The following BUB1B variants were observed in gnomAD, a reference collection of about 807,000 sequenced individuals.
The protein encoded by BUB1B is BUB1 mitotic checkpoint serine/threonine kinase B, also known as mitotic checkpoint serine/threonine-protein kinase BUB1 beta.
BUB1B carries 86 observed loss-of-function variants against 137.7 expected under a neutral mutation model. The ratio of observed to expected loss-of-function variants is 0.62; its 90% confidence interval spans 0.52 to 0.75. The LOEUF (loss-of-function observed/expected upper bound fraction) is 0.75, where lower values mean the gene tolerates loss of function less well. BUB1B is among the 30% of genes least tolerant of loss of function. The pLI is 0.00. For synonymous variants in BUB1B, 420 were observed against 417.9 expected, an observed-to-expected ratio of 1.00 and a Z score of -0.06; for missense variants, 1,130 against 1,236.9, an observed-to-expected ratio of 0.91 and a Z score of 1.30.
chr15:40,169,256 G>C (rs1385028839), intron 2 of BUB1B, among the ~76,000 whole-genome samples: 3 of 151,772 alleles, frequency 2.0e-5, no homozygotes, highest in African/African-American at 7.3e-5. Flanking sequence ...ATTCTTCTCT[G>C]ACCAATGTTA....
intron 5 of BUB1B, among the ~76,000 whole-genome samples, chr15:40,179,340 C>G (rs1329011427): frequency 6.6e-6 from 1 of 152,108 alleles, no homozygotes; most frequent in Non-Finnish European, 1.5e-5. Flanking sequence ...GTTGTTTGCA[C>G]CTTCTGGCTA....
chr15:40,211,623 A>G (rs1056399580), intron 18 of BUB1B, among the ~76,000 whole-genome samples: 3 of 151,974 alleles, frequency 2.0e-5, no homozygotes, highest in Admixed American at 6.6e-5. Context: ...CATATATAAC[A>G]TCTGATATAT....
chr15:40,217,920 T>G (rs2037821772), intron 21 of BUB1B, among the ~76,000 whole-genome samples: 1 of 152,224 alleles, frequency 6.6e-6, no homozygotes, highest in Non-Finnish European at 1.5e-5. Flanking sequence ...ACCACCCATG[T>G]AATCTTTTAT....
chr15:40,169,307 A>G (rs1208807611), intron 2 of BUB1B, among the ~76,000 whole-genome samples: 1 of 152,030 alleles, frequency 6.6e-6, no homozygotes, highest in African/African-American at 2.4e-5. Context: ...TCTTATTTAT[A>G]TATTTGTTCA....
chr15:40,207,593 G>A (rs1172796501), intron 15 of BUB1B, among the ~76,000 whole-genome samples: 1 of 152,164 alleles, frequency 6.6e-6, no homozygotes, highest in African/African-American at 2.4e-5. Context: ...AAGTGTCAAT[G>A]TTAGTGTTTC....
At chr15:40,179,667 T>C (rs2037260816) in intron 5 of BUB1B, among the ~76,000 whole-genome samples, 1 of 152,088 alleles carries the variant, frequency 6.6e-6, no homozygotes, top group African/African-American at 2.4e-5. Context: ...ATGCCTTTTG[T>C]TCCTCTTCAG....
intron 2 of BUB1B, among the ~76,000 whole-genome samples, chr15:40,167,673 T>A (rs2037116904): frequency 6.6e-6 from 1 of 152,192 alleles, no homozygotes; most frequent in Non-Finnish European, 1.5e-5. Flanking sequence ...TTTAGGTGTA[T>A]GATTTTTCTT....
chr15:40,201,107 G>T, intron 12 of BUB1B, 127 bp downstream of exon 12: 3 of 838,926 alleles, frequency 3.6e-6, no homozygotes, highest in East Asian at 2.7e-5. Context: ...TAGGAATTTA[G>T]TATAAGCATA....
At chr15:40,194,658 G>C (rs2037476795) in intron 8 of BUB1B, among the ~76,000 whole-genome samples, 1 of 152,166 alleles carries the variant, frequency 6.6e-6, no homozygotes, top group African/African-American at 2.4e-5. Context: ...GAAAATACCT[G>C]CTATATCATG....
intron 2 of BUB1B, among the ~76,000 whole-genome samples, chr15:40,168,224 G>A (rs1468381750): frequency 6.6e-6 from 1 of 152,048 alleles, no homozygotes; most frequent in Non-Finnish European, 1.5e-5. Context: ...AAAATTAGCC[G>A]GGCGTGGTGG....
intron 4 of BUB1B, among the ~76,000 whole-genome samples, chr15:40,172,827 A>G (rs1228595464): frequency 2.6e-5 from 4 of 152,218 alleles, no homozygotes; most frequent in Non-Finnish European, 4.4e-5. Context: ...AAATTACCCT[A>G]TGGATATTAG....
intron 1 of BUB1B, among the ~76,000 whole-genome samples, chr15:40,162,328 G>A (rs1040823591): frequency 6.6e-6 from 1 of 152,226 alleles, no homozygotes; most frequent in Non-Finnish European, 1.5e-5. Flanking sequence ...TGGTGAAGAT[G>A]CAGATTGTAA....
At chr15:40,190,382 C>T (rs1269555304) in intron 8 of BUB1B, among the ~76,000 whole-genome samples, 2 of 151,876 alleles carry the variant, frequency 1.3e-5, no homozygotes, top group African/African-American at 4.8e-5. Context: ...GAGGCTGGGG[C>T]AGGAGGATTG....
intron 9 of BUB1B, 38 bp from the exon 10 acceptor site, chr15:40,199,577 A>T: frequency 1.3e-6 from 2 of 1,525,592 alleles, no homozygotes; most frequent in South Asian, 2.2e-5. Flanking sequence ...ATGAGTTACT[A>T]TGAGGAATAA....
Position 40,161,189 on chromosome 15 carries a change from A to G in BUB1B, c.-32A>G, listed in dbSNP as rs776091227. ...TCTGTGGCCCAGAGGAAAGGCCTGC[A>G]GCAGGACGAGGACCTGAGCCAGGAA... On this transcript the variant is annotated 5_prime_UTR_variant, in exon 1 of 23. Coordinates refer to ENST00000287598, the MANE Select transcript of BUB1B (RefSeq NM_001211.6). The G allele has an allele frequency of 4.3e-6, 7 of 1,612,082 alleles. No homozygotes were observed. The African/African-American group carries it at 9.3e-5, about 22-fold the overall frequency.
chr15:40,173,958 T>G, intron 4 of BUB1B: 1 of 436,294 alleles, frequency 2.3e-6, no homozygotes, highest in Non-Finnish European at 4.5e-6. Flanking sequence ...TCTGGAAAAC[T>G]TCTGGTATTT....
rs1200053081 is a variant in BUB1B, at chr15:40,196,808, A to G, written c.1288+34A>G. On this transcript the variant is annotated intron_variant, in intron 9 of 22. Coordinates refer to ENST00000287598, the MANE Select transcript of BUB1B (RefSeq NM_001211.6). ...AATTCAAGTTTGTGAAGAGGACTTA[A>G]CTTAGTTGTGTGAAGGTTGAGCTGA... The G allele has an allele frequency of 5.0e-6, 8 of 1,596,382 alleles. No homozygotes were observed. In the African/African-American group the frequency reaches 1.1e-4, roughly 21 times the overall value.
intron 8 of BUB1B, among the ~76,000 whole-genome samples, chr15:40,189,779 G>A (rs933668864): frequency 6.6e-6 from 1 of 152,122 alleles, no homozygotes; most frequent in African/African-American, 2.4e-5. Flanking sequence ...ATATTTTGAG[G>A]AACTGTCAAA....
rs374307209 is a variant in BUB1B at position 40,185,310 on chromosome 15, C to T, written c.897C>T (p.Pro299=). Reference sequence around the variant, plus strand: ...CAGTCCAGCCATGGATAGCACCCCCCATGCCCAGGGCCAAAGAGAATGAGC... The same window carrying T: ...CAGTCCAGCCATGGATAGCACCCCCTATGCCCAGGGCCAAAGAGAATGAGC... ...KPTVQPWIAP[P]MPRAKENELQ... is the part of the protein sequence containing the mutation. Residue 299 remains proline, a synonymous_variant, in exon 7 of 23, where the codon CCC becomes CCT. Transcript: ENST00000287598. 6.2e-6 allele frequency: 10 copies of T among 1,614,184 alleles called. No homozygotes were observed. Among genetic ancestry groups the T allele is most frequent in the Non-Finnish European group, 8.5e-6 (10 of 1,180,036 alleles).
Sources: allele counts gnomAD v4.1 joint callset (sites outside exome capture counted in the v4.1 genomes callset), GRCh38; gene constraint gnomAD v4.1.1; transcripts MANE v1.5; gene names NCBI Gene and HGNC (gene_info 2026-07-23, HGNC 2026-07-21).